Variants in LARP4B observed in about 807,000 individuals in gnomAD.
LARP4B encodes La ribonucleoprotein 4B, also known as la-related protein 4B.
In LARP4B, 12 loss-of-function variants were observed where a neutral mutation model predicts 89.8. The ratio of observed to expected loss-of-function variants is 0.13; its 90% CI spans 0.09 to 0.22. LARP4B has a LOEUF of 0.22. Ranked by LOEUF, LARP4B falls within the 10% of genes least tolerant of loss-of-function variation. LARP4B has a pLI of 1.00. For missense variants in LARP4B, 757 were observed against 947.7 expected (o/e 0.80, Z 2.64); for synonymous variants, 367 against 363.3 (o/e 1.01, Z -0.12).
the LARP4B span, among the ~76,000 whole-genome samples, chr10:952,258 T>C: frequency 7.2e-6 from 1 of 138,918 alleles, no homozygotes; most frequent in African/African-American, 2.7e-5. Flanking sequence ...GAAAATGGCA[T>C]GAACCTGGGA....
intron 1 of LARP4B, among the ~76,000 whole-genome samples, chr10:892,861 C>T (rs919854848): frequency 2.0e-5 from 3 of 147,038 alleles, no homozygotes; most frequent in African/African-American, 7.5e-5. Flanking sequence ...ATTTAAAGGA[C>T]AGCTATTTAC....
Position 885,648 on chromosome 10 carries a change from G to T in LARP4B, c.74C>A (p.Ala25Asp), listed in dbSNP as rs1835836200. The T allele has an allele frequency of 6.2e-7, 1 of 1,613,844 alleles. No individual in the cohort carries two copies. The highest frequency in any genetic ancestry group is 8.5e-7 in the Non-Finnish European group (1 of 1,179,798). Reference sequence around the variant, plus strand: ...CCATTCGACAGCACCCACCAGATGAGCGCTGTCCTTGCCCTCCTGGACTCT... The same window carrying T: ...CCATTCGACAGCACCCACCAGATGATCGCTGTCCTTGCCCTCCTGGACTCT... ...TQRVQEGKDS[A>D]HLMNGPISQT... The change falls in exon 2 of 18, where the codon GCT becomes GAT. Residue 25 changes from alanine to aspartate, a missense_variant. Physicochemically the swap from Ala to Asp is moderately radical, Grantham distance 126 (BLOSUM62 -2). Coordinates refer to ENST00000316157, the MANE Select transcript of LARP4B (RefSeq NM_015155.3).
intron 7 of LARP4B, among the ~76,000 whole-genome samples, chr10:840,799 T>G (rs1009360534): frequency 4.6e-5 from 7 of 152,218 alleles, no homozygotes; most frequent in African/African-American, 1.4e-4. Flanking sequence ...AAATTAAATA[T>G]TCATCAAATA....
chr10:901,683 A>G (rs1354059949), intron 1 of LARP4B, among the ~76,000 whole-genome samples: 3 of 152,234 alleles, frequency 2.0e-5, no homozygotes, highest in Non-Finnish European at 4.4e-5. Context: ...GTCCAATCTC[A>G]GTAGAGTAGT....
At chr10:862,279 A>AACAAC (rs1554798769) in intron 5 of LARP4B, among the ~76,000 whole-genome samples, 1 of 140,494 alleles carries the variant, frequency 7.1e-6, no homozygotes, top group African/African-American at 2.6e-5. Context: ...AAAAAAAAAA[A>AACAAC]AACAACCGTC....
upstream of LARP4B, among the ~76,000 whole-genome samples, chr10:936,790 G>T (rs533828290): frequency 6.6e-6 from 1 of 152,232 alleles, no homozygotes; most frequent in East Asian, 1.9e-4. Flanking sequence ...TTTTGCTGTG[G>T]AGTATCTCCA....
the LARP4B span, among the ~76,000 whole-genome samples, chr10:944,360 T>C: frequency 6.6e-6 from 1 of 152,112 alleles, no homozygotes; most frequent in Non-Finnish European, 1.5e-5. Context: ...TGGACATCAT[T>C]CAACATCATC....
chr10:814,930 G>A lies in LARP4B; in HGVS notation c.1820+16C>T, dbSNP rs925975549. On this transcript the variant is annotated intron_variant, in intron 16 of 17. Transcript: ENST00000316157. This position sits in a 1 kb window ranked among gnomAD's most constrained non-coding sequence, Gnocchi z 4.4. ...GTCAGTCAACACCAAGGCGCTGGAA[G>A]AACACCAATACTCACTCGGGTAAAT... 1.3e-6 allele frequency: 2 copies of A among 1,580,680 alleles called. No homozygotes were observed. Among genetic ancestry groups the A allele is most frequent in the Non-Finnish European group, 1.7e-6 (2 of 1,159,076 alleles).
intron 3 of LARP4B, among the ~76,000 whole-genome samples, chr10:871,207 C>A (rs1349660097): frequency 2.6e-5 from 4 of 152,246 alleles, no homozygotes; most frequent in African/African-American, 9.6e-5. Flanking sequence ...CTGAACTCTT[C>A]ACACATATTT....
the LARP4B span, among the ~76,000 whole-genome samples, chr10:974,383 C>T: frequency 6.6e-6 from 1 of 152,140 alleles, no homozygotes; most frequent in African/African-American, 2.4e-5. Context: ...CTTCTGAAAC[C>T]GCAACTTCCC....
At chr10:923,503 TAAA>T (rs201722042) in intron 1 of LARP4B, among the ~76,000 whole-genome samples, 2 of 122,734 alleles carry the variant, frequency 1.6e-5, no homozygotes, top group Non-Finnish European at 1.8e-5. Flanking sequence ...ATGGACCCAG[TAAA>T]AAAAAAAAAA....
At chr10:896,637 A>G (rs1836197495) in intron 1 of LARP4B, among the ~76,000 whole-genome samples, 1 of 152,222 alleles carries the variant, frequency 6.6e-6, no homozygotes, top group Non-Finnish European at 1.5e-5. Context: ...TATATTTATA[A>G]TATTAATTGA....
At chr10:889,089 A>C (rs1280333263) in intron 1 of LARP4B, among the ~76,000 whole-genome samples, 1 of 152,226 alleles carries the variant, frequency 6.6e-6, no homozygotes, top group African/African-American at 2.4e-5. Context: ...TGTCTCAAAA[A>C]ATAAAAACAA....
the LARP4B span, among the ~76,000 whole-genome samples, chr10:973,902 G>C: frequency 6.6e-6 from 1 of 152,116 alleles, no homozygotes; most frequent in Non-Finnish European, 1.5e-5. Context: ...TCATGCTGAG[G>C]TGTGACAGAG....
chr10:909,307 A>C (rs1213355848), intron 1 of LARP4B, among the ~76,000 whole-genome samples: 14 of 151,202 alleles, frequency 9.3e-5, no homozygotes, highest in Admixed American at 6.6e-4. Context: ...AAAAAAAAAA[A>C]AAAAAGGAAA....
In LARP4B at chr10:902,062, T is replaced by C. The variant is rs1588975843; in HGVS notation, c.-39-16302A>G. ...CCCCTCCACCGTTAAAGCCTGTGAC[T>C]GGGTCTACGACATTATCTTCTGGAG... On this transcript the variant is annotated intron_variant, in intron 1 of 17. Transcript: ENST00000316157. 2.0e-5 allele frequency among the ~76,000 whole-genome samples: 3 copies of C among 152,358 alleles called. 1 individual carries two copies. Among genetic ancestry groups the C allele is most frequent in the Admixed American group, 2.0e-4 (3 of 15,310 alleles).
At chr10:892,460 C>T (rs1836059242) in intron 1 of LARP4B, among the ~76,000 whole-genome samples, 1 of 152,082 alleles carries the variant, frequency 6.6e-6, no homozygotes, top group Non-Finnish European at 1.5e-5. Context: ...ACACACAAGA[C>T]AATCTTAAAA....
chr10:880,716 T>C (rs960830411), intron 3 of LARP4B, among the ~76,000 whole-genome samples: 1 of 152,020 alleles, frequency 6.6e-6, no homozygotes, highest in Non-Finnish European at 1.5e-5. Flanking sequence ...CTGATATAGA[T>C]GTTTTGCTGA....
At chr10:892,717 T>C (rs1014115604) in intron 1 of LARP4B, among the ~76,000 whole-genome samples, 11 of 151,956 alleles carry the variant, frequency 7.2e-5, no homozygotes, top group East Asian at 5.8e-4. Flanking sequence ...TTTTTTGTAT[T>C]GTTAGTAGAG....
Sources: gnomAD v4.1 joint callset for allele counts (sites outside exome capture counted in the v4.1 genomes callset) on GRCh38, gnomAD v4.1.1 for gene constraint, Gnocchi (gnomAD v3.1) non-coding constraint, MANE v1.5 for transcripts, NCBI Gene and HGNC (gene_info 2026-07-23, HGNC 2026-07-21) for gene names.